The following PRKDC variants were observed in gnomAD, a reference collection of about 807,000 sequenced individuals.
The protein encoded by PRKDC is DNA-dependent protein kinase catalytic subunit.
A neutral mutation model predicts 486.9 loss-of-function variants in PRKDC; 82 were observed. That is an observed-to-expected ratio of 0.17 (90% CI 0.14 to 0.20). The LOEUF is 0.20. PRKDC is among the 10% of genes least tolerant of loss of function. The pLI is 1.00. For missense variants in PRKDC, 4,504 were observed against 5,038.2 expected (o/e 0.89, Z 3.21); for synonymous variants, 1,895 against 1,837.0 (o/e 1.03, Z -0.81).
chr8:47,787,727 G>A (rs1301738518), intron 76 of PRKDC, among the ~76,000 whole-genome samples: 2 of 152,192 alleles, frequency 1.3e-5, no homozygotes, highest in East Asian at 3.9e-4. Context: ...CAACAAAGTG[G>A]CCATGAATTC....
rs1441865486 is a variant in PRKDC, at chr8:47,902,808, A to G, written c.3043-13T>C. 2 of 1,585,984 alleles carry G rather than the reference A, an allele frequency of 1.3e-6. No homozygotes were observed. Among genetic ancestry groups the G allele is most frequent in the South Asian group, 1.2e-5 (1 of 86,870 alleles). On this transcript the variant is annotated splice_polypyrimidine_tract_variant and intron_variant, in intron 26 of 85. Coordinates refer to ENST00000314191, the MANE Select transcript of PRKDC (RefSeq NM_006904.7). ...CCACAATTCCATCCTGAAACAAAAC[A>G]AAGAGACCTTGATTGTACTAATTTT...
intron 54 of PRKDC, among the ~76,000 whole-genome samples, chr8:47,848,134 T>C (rs1415305118): frequency 1.3e-5 from 2 of 152,204 alleles, no homozygotes; most frequent in South Asian, 2.1e-4. Flanking sequence ...ATCCCATTAC[T>C]GGGTATATAC....
At chr8:47,798,040 C>T (rs185462947) in intron 73 of PRKDC, among the ~76,000 whole-genome samples, 197 bp downstream of exon 73, 1 of 152,350 alleles carries the variant, frequency 6.6e-6, no homozygotes, top group Admixed American at 6.5e-5. Context: ...TCAACACCCA[C>T]AGAGGAAAAT....
chr8:47,897,611 C>A (rs1249640724), intron 29 of PRKDC, among the ~76,000 whole-genome samples: 1 of 152,148 alleles, frequency 6.6e-6, no homozygotes, highest in Admixed American at 6.6e-5. Context: ...AAAGTGTGGT[C>A]CCTGGACAGC....
At chr8:47,828,052 C>T in intron 62 of PRKDC, 116 bp downstream of exon 62, 1 of 999,232 alleles carries the variant, frequency 1.0e-6, no homozygotes, top group African/African-American at 1.6e-5. Flanking sequence ...GTACATCTTA[C>T]TCTGTTAAAC....
chr8:47,902,627 T>A lies in PRKDC; in HGVS notation c.3211A>T (p.Asn1071Tyr). 6.2e-7 allele frequency: 1 copy of A among 1,612,038 alleles called. No individual in the cohort carries two copies. The highest frequency in any genetic ancestry group is 8.5e-7 in the Non-Finnish European group (1 of 1,179,074). ...GATGCTCCCAGCCTCTTGAAAGCAT[T>A]GGGGTGAAGCGCAAGGCTATAAAGT... ...KRLYSLALHP[N>Y]AFKRLGASLA... The change falls in exon 27 of 86, where the codon AAT (asparagine) becomes TAT (tyrosine). Residue 1071 changes from asparagine to tyrosine, a missense_variant. Physicochemically the swap from Asn to Tyr is moderately radical, Grantham distance 143 (BLOSUM62 -2). Transcript: ENST00000314191.
intron 58 of PRKDC, among the ~76,000 whole-genome samples, chr8:47,834,691 T>C (rs1197067628): frequency 3.4e-5 from 5 of 147,450 alleles, no homozygotes; most frequent in Admixed American, 1.3e-4. Flanking sequence ...CCTGACTTTT[T>C]TTTTTTTTTT....
At chr8:47,852,924 A>G (rs2088443795) in intron 51 of PRKDC, 140 bp from the exon 52 acceptor site, 2 of 635,542 alleles carry the variant, frequency 3.1e-6, no homozygotes, top group East Asian at 5.5e-5. Context: ...TGCAAATTCC[A>G]TGCACAAATG....
rs1329298837 is a variant in PRKDC at position 47,943,905 on chromosome 8, C to G, written c.778-22G>C. The G allele has an allele frequency of 3.8e-6, 6 of 1,584,228 alleles. No homozygotes were observed. The South Asian group carries it at 6.9e-5, about 18-fold the overall frequency. On this transcript the variant is annotated intron_variant, in intron 8 of 85. Coordinates refer to ENST00000314191, the MANE Select transcript of PRKDC (RefSeq NM_006904.7). The stretch of plus-strand genomic sequence containing the variant: ...CAATCTATTTTAGAAAAGAAAAATT[C>G]ACCATCAGTATTTGAAAGTCTGCAC...
chr8:47,899,322 G>A (rs2089638474), intron 28 of PRKDC, among the ~76,000 whole-genome samples: 1 of 152,134 alleles, frequency 6.6e-6, no homozygotes, highest in Non-Finnish European at 1.5e-5. Context: ...CAACATGAAG[G>A]ATAACAGAGC....
chr8:47,862,008 G>T, intron 44 of PRKDC, 54 bp downstream of exon 44: 1 of 1,385,950 alleles, frequency 7.2e-7, no homozygotes, highest in South Asian at 1.3e-5. Context: ...ACATAATATG[G>T]TTTTCTTTGT....
intron 65 of PRKDC, 87 bp downstream of exon 65, chr8:47,821,517 G>A (rs1162620772): frequency 7.4e-7 from 1 of 1,352,252 alleles, no homozygotes; most frequent in Non-Finnish European, 1.0e-6. Flanking sequence ...AGTACTACCT[G>A]TTTTTGAAAT....
Position 47,939,710 on chromosome 8 carries a change from A to G in PRKDC, c.967-13T>C. On this transcript the variant is annotated splice_polypyrimidine_tract_variant and intron_variant, in intron 10 of 85. Transcript: ENST00000314191. ...CCATATTAGAAACCTGCAAATACATAATATTTATTTTTTTGGAAATATTTA... is the reference window on the plus strand; with the variant it reads ...CCATATTAGAAACCTGCAAATACATGATATTTATTTTTTTGGAAATATTTA... 6.4e-7 allele frequency: 1 copy of G among 1,559,934 alleles called. No homozygotes were observed. Among genetic ancestry groups the G allele is most frequent in the Non-Finnish European group, 8.7e-7 (1 of 1,150,780 alleles).
intron 52 of PRKDC, 104 bp downstream of exon 52, chr8:47,852,567 ATT>A: frequency 1.6e-6 from 1 of 618,528 alleles, no homozygotes; most frequent in Non-Finnish European, 2.6e-6. Context: ...GCAGATGCCC[ATT>A]TTGTTTCTAA....
At chr8:47,783,370 A>G (rs1196034273) in intron 78 of PRKDC, among the ~76,000 whole-genome samples, 1 of 151,678 alleles carries the variant, frequency 6.6e-6, no homozygotes, top group Admixed American at 6.6e-5. Flanking sequence ...TGGATGGATC[A>G]TGAGGTCAGG....
At chr8:47,850,953 G>C (rs1336634933) in intron 52 of PRKDC, among the ~76,000 whole-genome samples, 1 of 152,198 alleles carries the variant, frequency 6.6e-6, no homozygotes, top group Admixed American at 6.5e-5. Context: ...GGGATTATGG[G>C]AGTGTGCCAC....
At chr8:47,845,687 CA>C (rs374041700) in intron 54 of PRKDC, among the ~76,000 whole-genome samples, 275 of 131,184 alleles carry the variant, frequency 2.1e-3, no homozygotes, top group Non-Finnish European at 1.9e-3. Flanking sequence ...ACTTACCAAG[CA>C]AAAAAAAAAA....
chr8:47,780,749 C>G (rs1186491185), intron 80 of PRKDC, among the ~76,000 whole-genome samples: 1 of 152,036 alleles, frequency 6.6e-6, no homozygotes, highest in African/African-American at 2.4e-5. Context: ...ATCATCCTGG[C>G]CAACATAGTG....
At chr8:47,857,122 A>G in intron 49 of PRKDC, 34 bp downstream of exon 49, 1 of 1,602,314 alleles carries the variant, frequency 6.2e-7, no homozygotes, top group South Asian at 1.1e-5. Flanking sequence ...GGCAAAGGAT[A>G]ATATATTAAC....
Sources: allele counts gnomAD v4.1 joint callset (sites outside exome capture counted in the v4.1 genomes callset), GRCh38; gene constraint gnomAD v4.1.1; transcripts MANE v1.5; gene names NCBI Gene and HGNC (gene_info 2026-07-23, HGNC 2026-07-21).